Variants in BCCIP observed in about 807,000 individuals in gnomAD.
The protein encoded by BCCIP is BRCA2 and CDKN1A-interacting protein.
A neutral mutation model predicts 32.8 loss-of-function variants in BCCIP; 23 were observed. The observed-to-expected ratio is 0.70, with a 90% CI of 0.51 to 0.99. The LOEUF (loss-of-function observed/expected upper bound fraction) is 0.99, where lower values mean the gene tolerates loss of function less well. Among genes scored for constraint, BCCIP ranks in the 50% least tolerant of loss-of-function variants. BCCIP has a pLI of 0.00. For synonymous variants in BCCIP, 144 were observed against 137.6 expected, an observed-to-expected ratio of 1.05 and a Z score of -0.33; for missense variants, 378 against 379.8, an observed-to-expected ratio of 1.00 and a Z score of 0.04.
chr10:125,828,202 AG>A (rs1399232978), intron 3 of BCCIP, among the ~76,000 whole-genome samples: 1 of 152,194 alleles, frequency 6.6e-6, no homozygotes, highest in Non-Finnish European at 1.5e-5. Flanking sequence ...TGAGAGGAAA[AG>A]GAGTCAAGGA....
chr10:125,823,665 T>A lies in BCCIP; in HGVS notation c.108T>A (p.Asp36Glu), dbSNP rs773858139. Residue 36 changes from aspartate to glutamate, a missense_variant, in exon 1 of 7, where the codon GAT becomes GAA. Coordinates refer to ENST00000278100, the MANE Select transcript of BCCIP (RefSeq NM_078468.3). ...AGGAAAAAGAAGTCGAAAATGAGGA[T>A]GAAGACGATGATGACAGTGACAAGG... ...EEEEKEVENE[D>E]EDDDDSDKEK... 6.2e-7 allele frequency: 1 copy of A among 1,613,734 alleles called. No homozygotes were observed. Among genetic ancestry groups the A allele is most frequent in the African/African-American group, 1.3e-5 (1 of 74,822 alleles).
intron 7 of BCCIP, among the ~76,000 whole-genome samples, chr10:125,848,832 G>A (rs1278843102): frequency 6.6e-6 from 1 of 152,210 alleles, no homozygotes; most frequent in Non-Finnish European, 1.5e-5. Context: ...GCATGCATAT[G>A]TTAACTAATT....
At chr10:125,841,079 C>T, downstream of BCCIP, 1 of 1,476,100 alleles carries the variant, frequency 6.8e-7, no homozygotes, top group South Asian at 1.3e-5. Flanking sequence ...GGGGTCACGA[C>T]TGTTAGTGGC....
chr10:125,836,874 A>G, downstream of BCCIP: 1 of 1,611,340 alleles, frequency 6.2e-7, no homozygotes, highest in Non-Finnish European at 8.5e-7. Context: ...TTAAGACAAA[A>G]AGATGAGATT....
chr10:125,825,638 G>A (rs1377870518), intron 1 of BCCIP: 1 of 152,182 alleles, frequency 6.6e-6, no homozygotes, highest in East Asian at 1.9e-4. Flanking sequence ...GGGTGGCAAG[G>A]TAAAAGGAGG....
At chr10:125,852,981 C>T in intron 7 of BCCIP, 1 of 656,212 alleles carries the variant, frequency 1.5e-6, no homozygotes, top group Admixed American at 2.8e-5. Context: ...AGGGTTCTCA[C>T]CTGATAGTGC....
intron 3 of BCCIP, among the ~76,000 whole-genome samples, chr10:125,829,320 T>C (rs1854473049): frequency 1.3e-5 from 2 of 152,254 alleles, no homozygotes; most frequent in African/African-American, 2.4e-5. Flanking sequence ...GTGCTACATA[T>C]GTGTAGCTGT....
downstream of BCCIP, among the ~76,000 whole-genome samples, chr10:125,839,932 G>A (rs1854824174): frequency 1.3e-5 from 2 of 152,138 alleles, no homozygotes; most frequent in African/African-American, 4.8e-5. Context: ...GCCCTCAAAA[G>A]GTGCCACCAG....
At position 125,836,384 on chromosome 10, in the gene BCCIP, A is replaced by AG; in HGVS notation, c.*111dup. The AG allele has an allele frequency of 6.4e-7, 1 of 1,555,864 alleles. No individual in the cohort carries two copies. Among genetic ancestry groups the AG allele is most frequent in the Non-Finnish European group, 8.7e-7 (1 of 1,153,806 alleles). On this transcript the variant is annotated 3_prime_UTR_variant, in exon 7 of 7. Transcript: ENST00000278100. ...ATTCAGATTAAGTTCCTCTACAAAA[A>AG]GTAGGGTTCTGTCCCATGTGTCTCT...
At chr10:125,830,527 A>G in intron 3 of BCCIP, 35 bp from the exon 4 acceptor site, 1 of 1,380,354 alleles carries the variant, frequency 7.2e-7, no homozygotes, top group Non-Finnish European at 1.0e-6. Flanking sequence ...TATTATACTA[A>G]ATATAACATT....
chr10:125,847,939 A>G (rs1303885535), intron 7 of BCCIP, among the ~76,000 whole-genome samples: 2 of 151,798 alleles, frequency 1.3e-5, no homozygotes, highest in Non-Finnish European at 2.9e-5. Context: ...CTTGCCCCCC[A>G]CTCACCTCCT....
chr10:125,827,584 T>A lies in BCCIP; in HGVS notation c.267T>A (p.Thr89=), dbSNP rs1854428221. ...TTTTTCTAAAGGCTCCTGTGAACAC[T>A]GCAGAACTAACAGATCTCTTAATTC... ...QQLFLKAPVN[T]AELTDLLIQQ... The change falls in exon 3 of 7, where the codon ACT becomes ACA. Residue 89 remains threonine (T), a synonymous_variant. Coordinates refer to ENST00000278100, the MANE Select transcript of BCCIP (RefSeq NM_078468.3). The A allele has an allele frequency of 6.2e-7, 1 of 1,613,168 alleles. No individual in the cohort carries two copies. Among genetic ancestry groups the A allele is most frequent in the Admixed American group, 1.7e-5 (1 of 60,010 alleles).
At chr10:125,841,091 T>C, downstream of BCCIP, 1 of 1,442,118 alleles carries the variant, frequency 6.9e-7, no homozygotes, top group Non-Finnish European at 9.4e-7. Context: ...GTTAGTGGCA[T>C]GGCTCCTGTC....
chr10:125,833,656 G>T, intron 5 of BCCIP, 116 bp from the exon 6 acceptor site: 1 of 888,116 alleles, frequency 1.1e-6, no homozygotes, highest in Non-Finnish European at 1.8e-6. Flanking sequence ...CAGATTGAAT[G>T]CCTGCGTCAC....
rs142963453 is a variant in BCCIP, at chr10:125,826,630, A to G, written c.205A>G (p.Asn69Asp). 3.2e-4 allele frequency: 515 copies of G among 1,613,760 alleles called. 2 individuals are homozygous for G. Among genetic ancestry groups the G allele is most frequent in the Non-Finnish European group, 3.1e-4 (366 of 1,179,806 alleles). The change falls in exon 2 of 7, where the codon AAT (asparagine) becomes GAT (aspartate). Residue 69 changes from asparagine to aspartate, a missense_variant. Asn to Asp is a conservative substitution (Grantham distance 23, BLOSUM62 1). Transcript: ENST00000278100. ...ATTTGAAGCTTATTCCCTATCAGAT[A>G]ATGATTATGACGGAATTAAGAAATT... ...IEFEAYSLSD[N>D]DYDGIKKLLQ...
downstream of BCCIP, chr10:125,836,993 C>T: frequency 1.4e-6 from 1 of 700,966 alleles, no homozygotes; most frequent in East Asian, 2.7e-5. Flanking sequence ...GATAGTATCT[C>T]AGTCCGACTT....
Position 125,836,096 on chromosome 10 carries a change from T to C in BCCIP, c.775-8T>C. The C allele has an allele frequency of 6.2e-7, 1 of 1,602,746 alleles. No individual in the cohort carries two copies. ...GATTTTTAATTCATGGTTACTTATT[T>C]GGTTTAGAAGGCAATTCTCAAGTTC... On this transcript the variant is annotated splice_region_variant and splice_polypyrimidine_tract_variant and intron_variant, in intron 6 of 6. Coordinates refer to ENST00000278100, the MANE Select transcript of BCCIP (RefSeq NM_078468.3).
At chr10:125,831,295 G>A (rs1456246367) in intron 4 of BCCIP, 125 bp from the exon 5 acceptor site, 2 of 829,166 alleles carry the variant, frequency 2.4e-6, no homozygotes, top group African/African-American at 3.4e-5. Flanking sequence ...AGACATACAA[G>A]ACGTTAAGGC....
intron 6 of BCCIP, 120 bp from the exon 7 acceptor site, chr10:125,835,984 T>C (rs1854669996): frequency 5.4e-6 from 5 of 934,208 alleles, no homozygotes; most frequent in South Asian, 1.8e-5. Flanking sequence ...AGTTTTGCTT[T>C]TTTTTAGCTC....
Sources: allele counts gnomAD v4.1 joint callset (sites outside exome capture counted in the v4.1 genomes callset), GRCh38; gene constraint gnomAD v4.1.1; transcripts MANE v1.5; gene names NCBI Gene and HGNC (gene_info 2026-07-23, HGNC 2026-07-21).